The following SGSM3 variants were observed in gnomAD, a reference collection of about 807,000 sequenced individuals.
The protein encoded by SGSM3 is RUN and SH3 containing 3.
In SGSM3, 96 loss-of-function variants were observed where a neutral mutation model predicts 100.5. The ratio of observed to expected loss-of-function variants is 0.96; its 90% CI spans 0.81 to 1.13. The LOEUF (loss-of-function observed/expected upper bound fraction) is 1.13. Among genes scored for constraint, SGSM3 ranks in the 50% most tolerant of loss-of-function variants. SGSM3 has a pLI of 0.00. For missense variants in SGSM3, 1,001 were observed against 1,015.8 expected, an observed-to-expected ratio of 0.99 and a Z score of 0.20; for synonymous variants, 483 against 422.8, an observed-to-expected ratio of 1.14 and a Z score of -1.75.
chr22:40,408,387 C>A lies in SGSM3; in HGVS notation c.1740C>A (p.Ser580=), dbSNP rs140805780. The change falls in exon 16 of 22, where the codon TCC becomes TCA. Residue 580 remains serine, a synonymous_variant. Transcript: ENST00000248929. ...TCGAACATGGACTGAAGAAGCCATC[C>A]CTGCTTGGGGGCGCCTGCCACCCCT... is the stretch of plus-strand genomic sequence containing the variant. ...ALFEHGLKKP[S]LLGGACHPWL... The A allele has an allele frequency of 6.2e-7, 1 of 1,613,500 alleles. No homozygotes were observed.
intron 16 of SGSM3, 61 bp downstream of exon 16, chr22:40,408,490 A>C: frequency 6.2e-7 from 1 of 1,603,566 alleles, no homozygotes; most frequent in Non-Finnish European, 8.5e-7. Context: ...GCCCCCTAGT[A>C]CCCATCTTAG....
chr22:40,409,505 G>GA lies in SGSM3; in HGVS notation c.2153dup (p.Leu719AlafsTer45). On this transcript the variant is annotated frameshift_variant, in exon 21 of 22. Coordinates refer to ENST00000248929, the MANE Select transcript of SGSM3 (RefSeq NM_015705.6). LOFTEE classifies it high-confidence loss of function. ...TGCCTTCAGCCTCTCCCAGGACTGGGAGCTCCCTGCGAAGAGAGAGGTGGG... is the reference window on the plus strand; with the variant it reads ...TGCCTTCAGCCTCTCCCAGGACTGGGAAGCTCCCTGCGAAGAGAGAGGTGGG... The GA allele has an allele frequency of 6.3e-7, 1 of 1,595,556 alleles. No homozygotes were observed.
At chr22:40,393,965 G>C (rs2049716146) in intron 1 of SGSM3, among the ~76,000 whole-genome samples, 1 of 152,150 alleles carries the variant, frequency 6.6e-6, no homozygotes, top group Admixed American at 6.5e-5. Flanking sequence ...CACTTCTGTT[G>C]GTTTCCACAA....
intron 1 of SGSM3, among the ~76,000 whole-genome samples, chr22:40,397,673 T>C (rs1255319982): frequency 1.3e-5 from 2 of 152,180 alleles, no homozygotes; most frequent in Admixed American, 1.3e-4. Flanking sequence ...CACTCTTTCC[T>C]TCTCATTCCC....
chr22:40,404,130 GGA>G (rs1222628361), intron 4 of SGSM3, 115 bp from the exon 5 acceptor site: 44 of 782,550 alleles, frequency 5.6e-5, no homozygotes, highest in Non-Finnish European at 1.9e-6. Context: ...GGATATGGTG[GGA>G]GAGAGCTGGC....
intron 1 of SGSM3, among the ~76,000 whole-genome samples, chr22:40,374,281 G>C (rs555838871): frequency 1.3e-5 from 2 of 152,244 alleles, no homozygotes; most frequent in South Asian, 4.1e-4. Context: ...TTTGAGAGTT[G>C]GGGAAGGAAC....
At position 40,400,740 on chromosome 22, in the gene SGSM3, T is replaced by A; in HGVS notation, c.-67T>A. 1 of 1,530,972 alleles carries A rather than the reference T, an allele frequency of 6.5e-7. No individual in the cohort carries two copies. The allele number at this position is 1,530,972 out of a possible 1,614,324, so 94.8% of individuals were successfully genotyped here. A position where few individuals can be genotyped will look rare whatever the true frequency, so the allele number is the denominator to read the frequency against. On this transcript the variant is annotated 5_prime_UTR_variant, in exon 2 of 22. Transcript: ENST00000248929. ...GATGAAGCCTGAGGAGCCTTCCAGC[T>A]CTAAGATAGCAGGATAGGAGACTTC...
At position 40,407,807 on chromosome 22, in the gene SGSM3, G is replaced by A. The variant is rs763920663; in HGVS notation, c.1543G>A (p.Glu515Lys). ...DIITIVSQKD[E>K]HCWVGELNGL... ...TGTGCAGATCGTGTCTCAGAAGGAC[G>A]AGCACTGCTGGGTGGGGGAGCTCAA... is the stretch of plus-strand genomic sequence containing the variant. Residue 515 changes from glutamate to lysine, a missense_variant, in exon 14 of 22, where the codon GAG becomes AAG. Transcript: ENST00000248929. This position sits in a 1 kb window ranked among gnomAD's most constrained non-coding sequence, Gnocchi z 4.7. 3.7e-6 allele frequency: 6 copies of A among 1,613,932 alleles called. No individual in the cohort carries two copies. Among genetic ancestry groups the A allele is most frequent in the South Asian group, 1.1e-5 (1 of 91,076 alleles).
chr22:40,409,062 G>T, intron 19 of SGSM3, 44 bp downstream of exon 19: 1 of 1,552,984 alleles, frequency 6.4e-7, no homozygotes. Flanking sequence ...GGAGTGGGGG[G>T]ACCCAGCCCA....
chr22:40,387,056 A>G (rs2048581893), intron 1 of SGSM3, among the ~76,000 whole-genome samples: 1 of 152,172 alleles, frequency 6.6e-6, no homozygotes, highest in Non-Finnish European at 1.5e-5. Context: ...TTTTCTGGAA[A>G]CTGTCTGCAA....
At position 40,408,075 on chromosome 22, in the gene SGSM3, G is replaced by A; in HGVS notation, c.1584G>A (p.Trp528Ter). The change falls in exon 15 of 22, where the codon TGG (tryptophan) becomes TGA (stop). Residue 528 changes from tryptophan to a stop codon, truncating the protein, a stop_gained. Coordinates refer to ENST00000248929, the MANE Select transcript of SGSM3 (RefSeq NM_015705.6). LOFTEE classifies it high-confidence loss of function. ...WVGELNGLRG[W>*]FPAKFVEVLD... Reference sequence around the variant, plus strand: ...CAGGGCCTGTTTTTCCCACAGGCTGGTTTCCAGCCAAGTTCGTGGAAGTCC... The same window carrying A: ...CAGGGCCTGTTTTTCCCACAGGCTGATTTCCAGCCAAGTTCGTGGAAGTCC... The A allele has an allele frequency of 6.2e-7, 1 of 1,608,906 alleles. No individual in the cohort carries two copies. Among genetic ancestry groups the A allele is most frequent in the Non-Finnish European group, 8.5e-7 (1 of 1,177,412 alleles).
At position 40,402,282 on chromosome 22, in the gene SGSM3, C is replaced by T. The variant is rs554652218; in HGVS notation, c.157+77C>T. On this transcript the variant is annotated intron_variant, in intron 4 of 21. Transcript: ENST00000248929. ...ACTCCGCTCCCTTGACTGAATTACT[C>T]GGCCTGTGATGGCTGAGCTCTGATG... is the stretch of plus-strand genomic sequence containing the variant. 8.5e-4 allele frequency: 968 copies of T among 1,138,298 alleles called. 3 individuals are homozygous for T. The highest frequency in any genetic ancestry group is 2.3e-3 in the Middle Eastern group (12 of 5,150). 70.5% of individuals were successfully genotyped at this position (1,138,298 alleles called of 1,614,324 possible). A position where few individuals can be genotyped will look rare whatever the true frequency, so the allele number is the denominator to read the frequency against.
At chr22:40,390,220 G>A (rs1318743010) in intron 1 of SGSM3, 1 of 152,138 alleles carries the variant, frequency 6.6e-6, no homozygotes, top group Non-Finnish European at 1.5e-5. Context: ...TCATGTTTTT[G>A]TTTGCATAGG....
Position 40,409,301 on chromosome 22 carries a change from C to A in SGSM3, c.2040C>A (p.Thr680=), listed in dbSNP as rs138537467. ...AGGTGCTCTGCTCCAGCCTGCCCACCGTGGAGAAGTGGTACCAGCCCTGGT... is the reference window on the plus strand; with the variant it reads ...AGGTGCTCTGCTCCAGCCTGCCCACAGTGGAGAAGTGGTACCAGCCCTGGT... ...WLEVLCSSLP[T]VEKWYQPWSF... The change falls in exon 20 of 22, where the codon ACC becomes ACA. Residue 680 remains threonine (T), a synonymous_variant. Transcript: ENST00000248929. 1.6e-5 allele frequency: 26 copies of A among 1,612,838 alleles called. No homozygotes were observed. Among genetic ancestry groups the A allele is most frequent in the Middle Eastern group, 3.3e-4 (2 of 6,084 alleles).
rs1041794099 is a variant in SGSM3, at chr22:40,379,084, T to C, written c.-112+8396T>C. Among the ~76,000 whole-genome samples the C allele has an allele frequency of 5.3e-5, 8 of 152,258 alleles. No homozygotes were observed. In the East Asian group the frequency reaches 1.5e-3, roughly 29 times the overall value. ...TGGTTCTTCCTGCCTCATTTTACTCTGTAGCACTATTCATCTGACATACAG... is the reference window on the plus strand; with the variant it reads ...TGGTTCTTCCTGCCTCATTTTACTCCGTAGCACTATTCATCTGACATACAG... On this transcript the variant is annotated intron_variant, in intron 1 of 21. Coordinates refer to ENST00000248929, the MANE Select transcript of SGSM3 (RefSeq NM_015705.6).
At chr22:40,400,642 TAA>T in intron 1 of SGSM3, 52 bp from the exon 2 acceptor site, 2 of 682,520 alleles carry the variant, frequency 2.9e-6, no homozygotes, top group African/African-American at 1.9e-5. Flanking sequence ...AGACTCTGTC[TAA>T]AAAAAAATAA....
At chr22:40,406,254 G>C in intron 9 of SGSM3, 31 bp downstream of exon 9, 1 of 1,611,878 alleles carries the variant, frequency 6.2e-7, no homozygotes, top group East Asian at 2.2e-5. Flanking sequence ...AGGCTGAGGA[G>C]TAGGCACCCG....
chr22:40,409,486 C>T lies in SGSM3; in HGVS notation c.2133C>T (p.Phe711=). The change falls in exon 21 of 22, where the codon TTC becomes TTT. Residue 711 remains phenylalanine (F), a synonymous_variant. Coordinates refer to ENST00000248929, the MANE Select transcript of SGSM3 (RefSeq NM_015705.6). The stretch of plus-strand genomic sequence containing the variant: ...CTAGAGTCCTCTGCTGCTTTGCCTT[C>T]AGCCTCTCCCAGGACTGGGAGCTCC... ...CELRVLCCFA[F]SLSQDWELPA... 1 of 1,586,132 alleles carries T rather than the reference C, an allele frequency of 6.3e-7. No homozygotes were observed. The highest frequency in any genetic ancestry group is 8.6e-7 in the Non-Finnish European group (1 of 1,165,980).
chr22:40,405,062 A>T, intron 6 of SGSM3, 79 bp from the exon 7 acceptor site: 1 of 1,437,100 alleles, frequency 7.0e-7, no homozygotes, highest in Non-Finnish European at 9.2e-7. Flanking sequence ...TTTCTGGGGG[A>T]GAAGCCCGCC....
Sources: gnomAD v4.1 joint callset for allele counts (sites outside exome capture counted in the v4.1 genomes callset) on GRCh38, gnomAD v4.1.1 for gene constraint, Gnocchi (gnomAD v3.1) non-coding constraint, MANE v1.5 for transcripts, NCBI Gene and HGNC (gene_info 2026-07-23, HGNC 2026-07-21) for gene names.